The following CSNK1G3 variants were observed in gnomAD, a reference collection of about 807,000 sequenced individuals.
CSNK1G3 encodes the protein casein kinase 1 gamma 3.
In CSNK1G3, 23 loss-of-function variants were observed where a neutral mutation model predicts 64.3. That is an observed-to-expected ratio of 0.36 (90% confidence interval 0.26 to 0.51). CSNK1G3 has a LOEUF of 0.51. Among genes scored for constraint, CSNK1G3 ranks in the 20% least tolerant of loss-of-function variants. The pLI is 0.96. For synonymous variants in CSNK1G3, 158 were observed against 162.2 expected, an observed-to-expected ratio of 0.97 and a Z score of 0.20; for missense variants, 357 against 510.5, an observed-to-expected ratio of 0.70 and a Z score of 2.90.
At chr5:123,581,360 G>GTTTTTTTTTTTTTTTTTTTTTTTT (rs10612602) in intron 6 of CSNK1G3, among the ~76,000 whole-genome samples, 1 of 81,602 alleles carries the variant, frequency 1.2e-5, no homozygotes, top group Non-Finnish European at 2.3e-5. Flanking sequence ...TTTTGGGTTT[G>GTTTTTTTTTTTTTTTTTTTTTTTT]TTTTTTTTTT....
At chr5:123,595,911 C>T (rs1793356066) in intron 10 of CSNK1G3, among the ~76,000 whole-genome samples, 1 of 151,892 alleles carries the variant, frequency 6.6e-6, no homozygotes, top group South Asian at 2.1e-4. Context: ...TAAAAGCCAG[C>T]TTAAAGTAAG....
chr5:123,610,414 GATGAGCA>G (rs982989418), intron 12 of CSNK1G3, among the ~76,000 whole-genome samples: 2 of 152,064 alleles, frequency 1.3e-5, no homozygotes, highest in African/African-American at 4.8e-5. Context: ...TCAACCAAAG[GATGAGCA>G]ATGAGTCATC....
At chr5:123,584,872 TATTCTTTTATC>T (rs1791016421) in intron 6 of CSNK1G3, among the ~76,000 whole-genome samples, 1 of 152,230 alleles carries the variant, frequency 6.6e-6, no homozygotes, top group African/African-American at 2.4e-5. Flanking sequence ...TGTTTCGTAG[TATTCTTTTATC>T]ATTCTTTTAA....
intron 12 of CSNK1G3, 55 bp downstream of exon 13, chr5:123,605,417 A>T (rs1260610092): frequency 4.4e-6 from 7 of 1,573,728 alleles, no homozygotes; most frequent in Non-Finnish European, 6.1e-6. Context: ...AATTTCAAAG[A>T]TTTAGCATCA....
intron 1 of CSNK1G3, among the ~76,000 whole-genome samples, chr5:123,535,936 ATTCT>A (rs1437050979): frequency 6.6e-6 from 1 of 152,032 alleles, no homozygotes; most frequent in East Asian, 1.9e-4. Context: ...TTGTTTCTTC[ATTCT>A]TCTTTCTTGC....
intron 10 of CSNK1G3, among the ~76,000 whole-genome samples, chr5:123,600,912 T>A (rs995131353): frequency 4.6e-5 from 7 of 151,896 alleles, no homozygotes; most frequent in Admixed American, 1.3e-4. Context: ...CCTTTTTTTT[T>A]TTTTTATCTT....
At chr5:123,566,040 G>A (rs1181785312) in intron 4 of CSNK1G3, among the ~76,000 whole-genome samples, 1 of 152,116 alleles carries the variant, frequency 6.6e-6, no homozygotes, top group Non-Finnish European at 1.5e-5. Context: ...TGATATTACT[G>A]TGAAATGGAT....
chr5:123,599,936 A>G (rs1173925455), intron 10 of CSNK1G3, among the ~76,000 whole-genome samples: 1 of 152,132 alleles, frequency 6.6e-6, no homozygotes, highest in Non-Finnish European at 1.5e-5. Context: ...CCTAAGTGAA[A>G]GTTAATTGAA....
chr5:123,607,761 T>C (rs1214925434), intron 12 of CSNK1G3, among the ~76,000 whole-genome samples: 1 of 152,196 alleles, frequency 6.6e-6, no homozygotes, highest in Non-Finnish European at 1.5e-5. Flanking sequence ...AAAAAAAGTA[T>C]AGCAACTCAT....
exon 2 of CSNK1G3, chr5:123,545,512 C>G: frequency 1.8e-6 from 1 of 553,658 alleles, no homozygotes; most frequent in Non-Finnish European, 3.1e-6. Flanking sequence ...ATGGGATGAA[C>G]ATGCTCCAGT....
Position 123,545,712 on chromosome 5 carries a change from C to T in CSNK1G3, c.49C>T (p.Arg17Ter). ...GGACAAATCAGATGATAGAATGGCACGACCTAGTGGTCGATCGGGACACAA... is the reference window on the plus strand; with the variant it reads ...GGACAAATCAGATGATAGAATGGCATGACCTAGTGGTCGATCGGGACACAA... The change falls in exon 2 of 13, where the codon CGA (arginine) becomes TGA (stop). Residue 17 changes from arginine to a stop codon, truncating the protein, a stop_gained. Coordinates refer to ENST00000345990, the Ensembl canonical transcript of CSNK1G3. LOFTEE classifies it high-confidence loss of function. 1 of 1,613,402 alleles carries T rather than the reference C, an allele frequency of 6.2e-7. No homozygotes were observed. Among genetic ancestry groups the T allele is most frequent in the Non-Finnish European group, 8.5e-7 (1 of 1,179,610 alleles).
intron 1 of CSNK1G3, among the ~76,000 whole-genome samples, chr5:123,545,099 G>A (rs1782307500): frequency 6.6e-6 from 1 of 151,918 alleles, no homozygotes; most frequent in Middle Eastern, 3.2e-3. Context: ...AATTTTTTGA[G>A]TACTTTTTGT....
At position 123,529,927 on chromosome 5, in the gene CSNK1G3, A is replaced by C. The variant is rs185529936; in HGVS notation, c.-247-15490A>C. Among the ~76,000 whole-genome samples, 122 of 152,192 alleles carry C rather than the reference A, an allele frequency of 8.0e-4. 1 individual carries two copies. Among genetic ancestry groups the C allele is most frequent in the Admixed American group, 2.2e-3 (34 of 15,290 alleles). On this transcript the variant is annotated intron_variant, in intron 1 of 12. Coordinates refer to ENST00000345990, the Ensembl canonical transcript of CSNK1G3. ...CAAGGCAGGCAGATTGCATGAGCTC[A>C]GAAGTTTGAGACCAGCCTGGGCAAC...
intron 4 of CSNK1G3, among the ~76,000 whole-genome samples, chr5:123,566,952 G>A (rs578014364): frequency 2.0e-5 from 3 of 152,032 alleles, no homozygotes; most frequent in Non-Finnish European, 4.4e-5. Context: ...GATTGTATTC[G>A]TCCGTTTTCT....
At chr5:123,613,101 A>G (rs952177765) in intron 12 of CSNK1G3, among the ~76,000 whole-genome samples, 1 of 151,908 alleles carries the variant, frequency 6.6e-6, no homozygotes, top group Non-Finnish European at 1.5e-5. Flanking sequence ...AGACTCTTTT[A>G]TGTCTGGAAG....
At chr5:123,556,013 G>A (rs1235974113) in intron 3 of CSNK1G3, among the ~76,000 whole-genome samples, 5 of 152,150 alleles carry the variant, frequency 3.3e-5, no homozygotes, top group East Asian at 1.9e-4. Flanking sequence ...GAGGGAACTG[G>A]AAAGTACAGA....
chr5:123,529,143 TC>T (rs1779524201), intron 1 of CSNK1G3, among the ~76,000 whole-genome samples: 1 of 152,158 alleles, frequency 6.6e-6, no homozygotes, highest in Non-Finnish European at 1.5e-5. Flanking sequence ...TAAACTGAGT[TC>T]AGGCATGAGT....
intron 10 of CSNK1G3, among the ~76,000 whole-genome samples, chr5:123,601,802 A>G (rs1305721931): frequency 6.6e-6 from 1 of 152,092 alleles, no homozygotes; most frequent in Non-Finnish European, 1.5e-5. Context: ...TAAAGGGAGA[A>G]TAGGAAACCT....
intron 1 of CSNK1G3, among the ~76,000 whole-genome samples, chr5:123,528,851 G>A (rs770376154): frequency 5.2e-4 from 79 of 152,010 alleles, no homozygotes; most frequent in Admixed American, 1.2e-3. Context: ...AAATTTATTT[G>A]TAACCCTAAA....
Sources: gnomAD v4.1 joint callset for allele counts (sites outside exome capture counted in the v4.1 genomes callset) on GRCh38, gnomAD v4.1.1 for gene constraint, MANE v1.5 for transcripts, NCBI Gene and HGNC (gene_info 2026-07-23, HGNC 2026-07-21) for gene names.